Variants in GSG1L observed in about 807,000 individuals in gnomAD.
GSG1L encodes the protein GSG1 like, also known as germ cell-specific gene 1-like protein.
A neutral mutation model predicts 42.1 loss-of-function variants in GSG1L; 24 were observed. That is an observed-to-expected ratio of 0.57 (90% CI 0.41 to 0.80). The LOEUF (loss-of-function observed/expected upper bound fraction) is 0.80, where lower values mean the gene tolerates loss of function less well. Ranked by LOEUF, GSG1L falls within the 30% of genes least tolerant of loss-of-function variation. The probability of loss-of-function intolerance (pLI) is 0.00; values close to 1 mark genes in which losing one functional copy is unlikely to be tolerated. For missense variants in GSG1L, 445 were observed against 472.2 expected (o/e 0.94, Z 0.53); for synonymous variants, 215 against 203.5 (o/e 1.06, Z -0.48).
intron 1 of GSG1L, among the ~76,000 whole-genome samples, chr16:28,011,034 G>A (rs1483599166): frequency 6.6e-6 from 1 of 152,144 alleles, no homozygotes; most frequent in African/African-American, 2.4e-5. Context: ...CTCCTTGGAT[G>A]CCCCTAAGAG....
At chr16:27,903,027 A>G (rs71389818) in intron 2 of GSG1L, among the ~76,000 whole-genome samples, 9,333 of 152,072 alleles carry the variant, frequency 0.061, 337 homozygotes, top group Non-Finnish European at 0.084. Flanking sequence ...GAGTGACCAG[A>G]GGCTGCAGGG....
At position 28,003,965 on chromosome 16, in the gene GSG1L, A is replaced by G. The variant is rs375381911; in HGVS notation, c.350-40762T>C. The stretch of plus-strand genomic sequence containing the variant: ...GCCAGGAACCAGGAGCAGAAAAAGA[A>G]GAGTCAGTGTGGCAGGATGACACGG... On this transcript the variant is annotated intron_variant, in intron 1 of 6. Transcript: ENST00000447459. Among the ~76,000 whole-genome samples the G allele has an allele frequency of 1.3e-3, 197 of 152,366 alleles. 7 individuals are homozygous for G. In the South Asian group the frequency reaches 0.034, roughly 26 times the overall value.
chr16:27,963,270 C>G (rs182099354), intron 1 of GSG1L, 67 bp from the exon 2 acceptor site: 1 of 1,370,234 alleles, frequency 7.3e-7, no homozygotes, highest in Admixed American at 1.7e-5. Flanking sequence ...TTTGCCTGCT[C>G]CCATCCCATG....
intron 2 of GSG1L, among the ~76,000 whole-genome samples, chr16:27,955,928 AGAAG>A (rs1224536647): frequency 4.6e-4 from 26 of 56,782 alleles, no homozygotes; most frequent in East Asian, 4.3e-3. Flanking sequence ...AAGGAAGGAA[AGAAG>A]GAAGGAAGGA....
intron 2 of GSG1L, among the ~76,000 whole-genome samples, chr16:27,916,882 CAAA>C (rs5816452): frequency 6.6e-6 from 1 of 150,658 alleles, no homozygotes; most frequent in African/African-American, 2.4e-5. Context: ...TCACTCAATG[CAAA>C]AAAAAAAATG....
intron 5 of GSG1L, among the ~76,000 whole-genome samples, chr16:27,824,526 G>T (rs1206920598): frequency 1.4e-5 from 2 of 142,404 alleles, no homozygotes. Flanking sequence ...TGTGCTCTGA[G>T]CTCTTTGTAG....
chr16:27,799,388 T>C (rs2082857334), intron 6 of GSG1L, among the ~76,000 whole-genome samples: 1 of 151,398 alleles, frequency 6.6e-6, no homozygotes, highest in Non-Finnish European at 1.5e-5. Context: ...ATTGGAAACA[T>C]AAAAAAAATT....
At chr16:27,895,410 C>A (rs1400393005) in intron 2 of GSG1L, among the ~76,000 whole-genome samples, 1 of 152,124 alleles carries the variant, frequency 6.6e-6, no homozygotes, top group Non-Finnish European at 1.5e-5. Flanking sequence ...GCCTTGTCTC[C>A]CTATACGACG....
intron 1 of GSG1L, among the ~76,000 whole-genome samples, chr16:27,979,885 C>T (rs528070750): frequency 4.0e-5 from 6 of 148,244 alleles, no homozygotes; most frequent in South Asian, 2.2e-4. Flanking sequence ...AAGAAAGAAA[C>T]GAAGGAAGGA....
At chr16:28,015,842 G>C (rs2085774303) in intron 1 of GSG1L, among the ~76,000 whole-genome samples, 1 of 152,208 alleles carries the variant, frequency 6.6e-6, no homozygotes, top group African/African-American at 2.4e-5. Flanking sequence ...TCCAGTGGTG[G>C]CCGGATTTGT....
chr16:28,016,986 C>T (rs1237089836), intron 1 of GSG1L, among the ~76,000 whole-genome samples: 1 of 152,202 alleles, frequency 6.6e-6, no homozygotes, highest in South Asian at 2.1e-4. Context: ...TTATACAAAA[C>T]GCAGAGGCAG....
intron 2 of GSG1L, among the ~76,000 whole-genome samples, chr16:27,950,093 G>C (rs547406648): frequency 6.6e-6 from 1 of 152,242 alleles, no homozygotes; most frequent in East Asian, 1.9e-4. Context: ...CCTCATACAG[G>C]ATGTTCACTG....
At chr16:27,958,530 A>G (rs1340315989) in intron 2 of GSG1L, among the ~76,000 whole-genome samples, 1 of 152,126 alleles carries the variant, frequency 6.6e-6, no homozygotes, top group Non-Finnish European at 1.5e-5. Flanking sequence ...CCATGATTTT[A>G]TATATCAAAT....
intron 3 of GSG1L, among the ~76,000 whole-genome samples, chr16:27,879,268 G>C (rs922026064): frequency 1.3e-5 from 2 of 152,142 alleles, no homozygotes; most frequent in Non-Finnish European, 2.9e-5. Flanking sequence ...ATATCCACAG[G>C]GGATTGGTTC....
chr16:27,892,480 T>C (rs1230805650), intron 2 of GSG1L, among the ~76,000 whole-genome samples: 1 of 151,782 alleles, frequency 6.6e-6, no homozygotes, highest in Non-Finnish European at 1.5e-5. Context: ...ATGAGTCACC[T>C]TGGCCGGGCT....
At chr16:27,923,441 A>C (rs533576870) in intron 2 of GSG1L, among the ~76,000 whole-genome samples, 9 of 152,344 alleles carry the variant, frequency 5.9e-5, no homozygotes, top group African/African-American at 2.2e-4. Flanking sequence ...CAGTGCATGC[A>C]TGTGGCAGAA....
At chr16:27,932,655 G>A (rs2084669589) in intron 2 of GSG1L, among the ~76,000 whole-genome samples, 1 of 152,010 alleles carries the variant, frequency 6.6e-6, no homozygotes, top group South Asian at 2.1e-4. Context: ...TCAGCATTGG[G>A]GATTATAGAT....
chr16:27,986,896 T>A (rs1239124465), intron 1 of GSG1L, among the ~76,000 whole-genome samples: 1 of 152,270 alleles, frequency 6.6e-6, no homozygotes, highest in Admixed American at 6.5e-5. Flanking sequence ...AGATGGAGAC[T>A]AAATTAGAAG....
chr16:27,907,353 C>T (rs893713506), intron 2 of GSG1L, among the ~76,000 whole-genome samples: 1 of 152,212 alleles, frequency 6.6e-6, no homozygotes, highest in Non-Finnish European at 1.5e-5. Context: ...ATTATGGAGC[C>T]AGTAAACTCC....
Sources: gnomAD v4.1 joint callset for allele counts (sites outside exome capture counted in the v4.1 genomes callset) on GRCh38, gnomAD v4.1.1 for gene constraint, MANE v1.5 for transcripts, NCBI Gene and HGNC (gene_info 2026-07-23, HGNC 2026-07-21) for gene names.